PRIM2: variants seen among roughly 807,000 people sequenced by gnomAD.
The protein encoded by PRIM2 is DNA primase subunit 2.
PRIM2 carries 39 observed loss-of-function variants against 67.3 expected under a neutral mutation model. The observed-to-expected ratio is 0.58, with a 90% CI of 0.45 to 0.76. The LOEUF is 0.76. Among genes scored for constraint, PRIM2 ranks in the 30% least tolerant of loss-of-function variants. The pLI, the probability that PRIM2 is intolerant of heterozygous loss-of-function variation, is 0.00. For synonymous variants in PRIM2, 143 were observed against 198.7 expected, an observed-to-expected ratio of 0.72 and a Z score of 2.36; for missense variants, 398 against 598.7, an observed-to-expected ratio of 0.66 and a Z score of 3.50.
At chr6:57,250,025 T>C in the PRIM2 span, among the ~76,000 whole-genome samples, 11 of 152,332 alleles carry the variant, frequency 7.2e-5, no homozygotes, top group South Asian at 1.2e-3. Context: ...CAAGTTCCAC[T>C]GTGGCTTAGA....
At position 57,430,062 on chromosome 6, in the gene PRIM2, G is replaced by A. The variant is rs528847782; in HGVS notation, c.693+47894G>A. Among the ~76,000 whole-genome samples the A allele has an allele frequency of 3.0e-3, 452 of 152,272 alleles. 18 individuals are homozygous for A. In the East Asian group the frequency reaches 0.076, roughly 25 times the overall value. On this transcript the variant is annotated intron_variant, in intron 7 of 13. Transcript: ENST00000615550. ...TAGGAAGTTGAAATTGGGGATGGGGGATAAAGGGCATTTGGTATTAGCAGA... is the reference window on the plus strand; with the variant it reads ...TAGGAAGTTGAAATTGGGGATGGGGAATAAAGGGCATTTGGTATTAGCAGA...
intron 10 of PRIM2, among the ~76,000 whole-genome samples, chr6:57,541,004 C>G (rs1217217081): frequency 4.6e-5 from 7 of 152,140 alleles, no homozygotes; most frequent in Non-Finnish European, 8.8e-5. Flanking sequence ...TATCATAAAC[C>G]TTGAATAACA....
At chr6:57,401,018 T>C (rs1330637013) in intron 7 of PRIM2, among the ~76,000 whole-genome samples, 3 of 152,156 alleles carry the variant, frequency 2.0e-5, no homozygotes, top group African/African-American at 7.2e-5. Flanking sequence ...TATCATTTGG[T>C]TGTGATTCTT....
At chr6:57,417,674 GAGATCACTGATCAT>G (rs1457419590) in intron 7 of PRIM2, among the ~76,000 whole-genome samples, 1 of 152,156 alleles carries the variant, frequency 6.6e-6, no homozygotes, top group African/African-American at 2.4e-5. Flanking sequence ...AGTAACATCA[GAGATCACTGATCAT>G]AGATCACCAT....
At chr6:57,486,814 A>C (rs1183293272) in intron 7 of PRIM2, among the ~76,000 whole-genome samples, 1 of 152,220 alleles carries the variant, frequency 6.6e-6, no homozygotes, top group Non-Finnish European at 1.5e-5. Context: ...ATGTCTGGGG[A>C]AAATGGATGA....
intron 7 of PRIM2, among the ~76,000 whole-genome samples, chr6:57,443,958 G>A (rs571795772): frequency 6.6e-6 from 1 of 152,136 alleles, no homozygotes; most frequent in African/African-American, 2.4e-5. Flanking sequence ...GTGAGATAAG[G>A]GTCCAAGTTC....
At chr6:57,394,503 G>A (rs1770455969) in intron 7 of PRIM2, among the ~76,000 whole-genome samples, 1 of 152,088 alleles carries the variant, frequency 6.6e-6, no homozygotes, top group African/African-American at 2.4e-5. Flanking sequence ...ACTGATTTGT[G>A]TACATTAATC....
chr6:57,238,918 C>G, the PRIM2 span, among the ~76,000 whole-genome samples: 1 of 152,154 alleles, frequency 6.6e-6, no homozygotes, highest in Admixed American at 6.5e-5. Flanking sequence ...TATGACCTTG[C>G]CTTTGTCGTG....
chr6:57,568,041 A>G (rs1205572423), intron 10 of PRIM2, among the ~76,000 whole-genome samples: 4 of 152,288 alleles, frequency 2.6e-5, no homozygotes, highest in East Asian at 1.9e-4. Flanking sequence ...GCTTTTTGCT[A>G]TATATTTCCT....
intron 6 of PRIM2, among the ~76,000 whole-genome samples, chr6:57,380,304 C>A (rs893180212): frequency 6.6e-6 from 1 of 152,142 alleles, no homozygotes; most frequent in Non-Finnish European, 1.5e-5. Flanking sequence ...GCCAGGAAAC[C>A]CTCATCACCC....
rs1266416779 is a variant in PRIM2, at chr6:57,537,504, A to G, written c.899A>G (p.His300Arg). The G allele has an allele frequency of 1.9e-6, 3 of 1,558,962 alleles. No homozygotes were observed. In the African/African-American group the frequency reaches 4.1e-5, roughly 21 times the overall value. Residue 300 changes from histidine to arginine, a missense_variant, in exon 10 of 14, where the codon CAT (histidine) becomes CGT (arginine). By Grantham distance (29) the His-to-Arg change is conservative (BLOSUM62 0). This residue lies in a region of PRIM2 where 229 missense variants were observed against 383.6 expected (regional missense o/e 0.60). Coordinates refer to ENST00000615550, the MANE Select transcript of PRIM2 (RefSeq NM_000947.5). Reference sequence around the variant, plus strand: ...CATAAAGCCTTGCGGGAAAATCACCATCTTCGTCATGGAGGCCGAATGCAG... The same window carrying G: ...CATAAAGCCTTGCGGGAAAATCACCGTCTTCGTCATGGAGGCCGAATGCAG... ...QLHKALRENH[H>R]LRHGGRMQYG...
In PRIM2 at chr6:57,417,556, G is replaced by A. The variant is rs533707777; in HGVS notation, c.693+35388G>A. 1.3e-3 allele frequency among the ~76,000 whole-genome samples: 191 copies of A among 152,282 alleles called. 5 individuals are homozygous for A. In the East Asian group the frequency reaches 0.016, roughly 13 times the overall value. On this transcript the variant is annotated intron_variant, in intron 7 of 13. Transcript: ENST00000615550. ...ATAGGGAAGCTCTAAGGAGAGGAGA[G>A]AGACAAAGGAATGGCTGGTTGGGGA...
chr6:57,539,015 A>C (rs1330914875), intron 10 of PRIM2, among the ~76,000 whole-genome samples: 1 of 152,186 alleles, frequency 6.6e-6, no homozygotes. Context: ...TATATACTTT[A>C]TTAAAAAGCA....
chr6:57,223,686 G>A, the PRIM2 span, among the ~76,000 whole-genome samples: 6 of 152,156 alleles, frequency 3.9e-5, no homozygotes, highest in Admixed American at 1.3e-4. Flanking sequence ...TCCAAAGAAG[G>A]TATACAAATG....
chr6:57,282,764 C>T, the PRIM2 span, among the ~76,000 whole-genome samples: 1 of 152,132 alleles, frequency 6.6e-6, no homozygotes, highest in Non-Finnish European at 1.5e-5. Context: ...CAAAAGAAAC[C>T]AAACCTACAA....
intron 13 of PRIM2, among the ~76,000 whole-genome samples, chr6:57,635,362 C>A (rs1217174498): frequency 3.2e-4 from 49 of 152,170 alleles, no homozygotes; most frequent in African/African-American, 1.2e-3. Flanking sequence ...GTTTGAGATT[C>A]ATTTAGTAGA....
chr6:57,332,097 T>A (rs561314256), intron 5 of PRIM2, among the ~76,000 whole-genome samples: 2 of 152,082 alleles, frequency 1.3e-5, no homozygotes, highest in Non-Finnish European at 2.9e-5. Flanking sequence ...GTATGCTGTG[T>A]TTTCTTTTTC....
At chr6:57,359,118 C>T (rs1769119240) in intron 5 of PRIM2, among the ~76,000 whole-genome samples, 2 of 152,274 alleles carry the variant, frequency 1.3e-5, no homozygotes, top group African/African-American at 2.4e-5. Context: ...CTGCCCACCT[C>T]TTGATGTGAG....
chr6:57,444,566 CAAA>C (rs66824143), intron 7 of PRIM2, among the ~76,000 whole-genome samples: 7 of 104,968 alleles, frequency 6.7e-5, no homozygotes, highest in Admixed American at 1.1e-4. Context: ...GATTCCATCT[CAAA>C]AAAAAAAAAA....
Sources: gnomAD v4.1 joint callset for allele counts (sites outside exome capture counted in the v4.1 genomes callset) on GRCh38, gnomAD v4.1.1 for gene constraint, gnomAD v4.1.1 regional missense constraint, MANE v1.5 for transcripts, NCBI Gene and HGNC (gene_info 2026-07-23, HGNC 2026-07-21) for gene names.